The following GBE1 variants were observed in gnomAD, a reference collection of about 807,000 sequenced individuals.
GBE1 encodes 1,4-alpha-glucan branching enzyme 1, also known as 1,4-alpha-glucan-branching enzyme.
In GBE1, 70 loss-of-function variants were observed where a neutral mutation model predicts 88.8. The observed-to-expected ratio is 0.79, with a 90% CI of 0.65 to 0.96. The LOEUF (loss-of-function observed/expected upper bound fraction) is 0.96, where lower values mean the gene tolerates loss of function less well. GBE1 is among the 40% of genes least tolerant of loss of function. The probability of loss-of-function intolerance (pLI) is 0.00; values close to 1 mark genes in which losing one functional copy is unlikely to be tolerated. For synonymous variants in GBE1, 284 were observed against 300.1 expected (o/e 0.95, Z 0.56); for missense variants, 872 against 871.0 (o/e 1.00, Z -0.01).
At chr3:81,732,025 A>G (rs1437338031) in intron 1 of GBE1, among the ~76,000 whole-genome samples, 6 of 151,836 alleles carry the variant, frequency 4.0e-5, no homozygotes, top group African/African-American at 1.2e-4. Flanking sequence ...CAAAAACAAA[A>G]CAATAACAAA....
intron 14 of GBE1, chr3:81,534,853 C>T (rs1703052856): frequency 5.6e-6 from 1 of 180,152 alleles, no homozygotes; most frequent in Non-Finnish European, 1.1e-5. Context: ...TCTCAGAAGA[C>T]TTCATTTATT....
chr3:81,561,951 T>C (rs967344882), intron 12 of GBE1, among the ~76,000 whole-genome samples: 4 of 152,110 alleles, frequency 2.6e-5, no homozygotes, highest in African/African-American at 9.7e-5. Flanking sequence ...CCTTTCTTCA[T>C]GGCCTGCAAC....
Position 81,761,423 on chromosome 3 carries a change from A to C in GBE1, c.95T>G (p.Leu32Arg). Residue 32 changes from leucine to arginine, a missense_variant, in exon 1 of 16, where the codon CTG (leucine) becomes CGG (arginine). By Grantham distance (102) the Leu-to-Arg change is moderately radical. Transcript: ENST00000429644. ...GGGCTTCAAGTACGGGTCGATCTCC[A>C]GGAGTCTGGCCAGTTCGGGCACGTC... ...LADVPELARL[L>R]EIDPYLKPYA... 1 of 1,613,652 alleles carries C rather than the reference A, an allele frequency of 6.2e-7. No individual in the cohort carries two copies. Among genetic ancestry groups the C allele is most frequent in the Non-Finnish European group, 8.5e-7 (1 of 1,179,660 alleles).
At chr3:81,548,106 T>C (rs6805105) in intron 12 of GBE1, among the ~76,000 whole-genome samples, 46,444 of 151,106 alleles carry the variant, frequency 0.31, 8,271 homozygotes, top group East Asian at 0.44. Flanking sequence ...GTGTGACATT[T>C]GCCATTTTTT....
intron 1 of GBE1, among the ~76,000 whole-genome samples, chr3:81,736,216 T>A (rs1376322627): frequency 6.6e-6 from 1 of 152,104 alleles, no homozygotes; most frequent in East Asian, 1.9e-4. Flanking sequence ...AGGGTTGGAG[T>A]GAGGAGGTAC....
intron 1 of GBE1, among the ~76,000 whole-genome samples, chr3:81,709,248 T>C (rs1485258876): frequency 6.6e-6 from 1 of 152,178 alleles, no homozygotes; most frequent in Non-Finnish European, 1.5e-5. Flanking sequence ...ACGAACAAAC[T>C]AGATATGCAG....
chr3:81,503,509 C>T (rs948244141), intron 14 of GBE1, among the ~76,000 whole-genome samples: 2 of 152,080 alleles, frequency 1.3e-5, no homozygotes, highest in Non-Finnish European at 2.9e-5. Flanking sequence ...AGTCAGGAGT[C>T]TAACAACAGT....
Position 81,563,779 on chromosome 3 carries a change from T to C in GBE1, c.1618+14146A>G, listed in dbSNP as rs143227526. Among the ~76,000 whole-genome samples the C allele has an allele frequency of 5.0e-4, 76 of 152,104 alleles. No homozygotes were observed. The East Asian group carries it at 0.012, about 25-fold the overall frequency. On this transcript the variant is annotated intron_variant, in intron 12 of 15. Coordinates refer to ENST00000429644, the MANE Select transcript of GBE1 (RefSeq NM_000158.4). The stretch of plus-strand genomic sequence containing the variant: ...ATATAATGTTAAAGTAAACCATACC[T>C]CCATTCTGCAAACTCAATTGTCTAT...
chr3:81,695,823 T>G (rs888661243), intron 2 of GBE1, among the ~76,000 whole-genome samples: 1 of 152,130 alleles, frequency 6.6e-6, no homozygotes, highest in Admixed American at 6.5e-5. Context: ...TGAAAAAAAG[T>G]GTGGTATTAT....
At chr3:81,694,533 A>G (rs1322757955) in intron 2 of GBE1, among the ~76,000 whole-genome samples, 1 of 152,178 alleles carries the variant, frequency 6.6e-6, no homozygotes, top group African/African-American at 2.4e-5. Context: ...CCAGTCTTCC[A>G]CTAGTGCTAC....
intron 2 of GBE1, among the ~76,000 whole-genome samples, chr3:81,680,166 T>C (rs1031871315): frequency 2.0e-5 from 3 of 152,186 alleles, no homozygotes; most frequent in Non-Finnish European, 4.4e-5. Context: ...TAACAGTATA[T>C]TAAATACTAC....
intron 2 of GBE1, among the ~76,000 whole-genome samples, chr3:81,691,028 C>T (rs377510212): frequency 1.3e-5 from 2 of 151,900 alleles, no homozygotes; most frequent in East Asian, 1.9e-4. Flanking sequence ...GCACTGTACA[C>T]AGGAAGCTCT....
intron 7 of GBE1, among the ~76,000 whole-genome samples, chr3:81,610,351 TC>T (rs1704162273): frequency 6.6e-6 from 1 of 152,198 alleles, no homozygotes; most frequent in African/African-American, 2.4e-5. Context: ...GAAAAGTATC[TC>T]TTTTAAAGTT....
In GBE1 at chr3:81,499,742, A is replaced by G. The variant is rs138839679; in HGVS notation, c.1935-515T>C. Among the ~76,000 whole-genome samples the G allele has an allele frequency of 1.9e-3, 287 of 152,302 alleles. 4 individuals are homozygous for G. Among genetic ancestry groups the G allele is most frequent in the East Asian group, 1.3e-3 (7 of 5,188 alleles). On this transcript the variant is annotated intron_variant, in intron 14 of 15. Transcript: ENST00000429644. ...GTGAATTGAATCAATTTCAGATAAA[A>G]AATATTCAAAAAAGAAATGCATCAT...
At chr3:81,630,467 AAGAACAAAGCTGGAGGCATCACGCT>A (rs1419608647) in intron 7 of GBE1, among the ~76,000 whole-genome samples, 1 of 152,168 alleles carries the variant, frequency 6.6e-6, no homozygotes, top group Non-Finnish European at 1.5e-5. Flanking sequence ...CCTAAGCCAA[AAGAACAAAGCTGGAGGCATCACGCT>A]ACCTGACTTC....
chr3:81,627,762 TATATAA>T (rs199891341), intron 7 of GBE1, among the ~76,000 whole-genome samples: 32 of 128,756 alleles, frequency 2.5e-4, no homozygotes, highest in East Asian at 1.6e-3. Flanking sequence ...TATATATATA[TATATAA>T]AAAACATATA....
At chr3:81,524,432 GGATT>G (rs1326022113) in intron 14 of GBE1, among the ~76,000 whole-genome samples, 1 of 151,652 alleles carries the variant, frequency 6.6e-6, no homozygotes, top group East Asian at 1.9e-4. Context: ...CCCATAATGT[GGATT>G]GTCTCTTCCC....
chr3:81,755,352 T>A (rs1274140151), intron 1 of GBE1, among the ~76,000 whole-genome samples: 1 of 151,946 alleles, frequency 6.6e-6, no homozygotes, highest in Non-Finnish European at 1.5e-5. Flanking sequence ...AAGGGAACAC[T>A]CATACACTGT....
intron 1 of GBE1, among the ~76,000 whole-genome samples, chr3:81,709,914 A>C (rs1224271913): frequency 6.6e-6 from 1 of 152,136 alleles, no homozygotes; most frequent in African/African-American, 2.4e-5. Context: ...ATATTTAAAA[A>C]CTAGGTCAAA....
Sources: gnomAD v4.1 joint callset for allele counts (sites outside exome capture counted in the v4.1 genomes callset) on GRCh38, gnomAD v4.1.1 for gene constraint, MANE v1.5 for transcripts, NCBI Gene and HGNC (gene_info 2026-07-23, HGNC 2026-07-21) for gene names.